TFRC: variants seen among roughly 807,000 people sequenced by gnomAD.
The protein encoded by TFRC is transferrin receptor protein 1.
In TFRC, 35 loss-of-function variants were observed where a neutral mutation model predicts 85.8. The ratio of observed to expected loss-of-function variants is 0.41; its 90% CI spans 0.31 to 0.54. The LOEUF is 0.54. Among genes scored for constraint, TFRC ranks in the 20% least tolerant of loss-of-function variants. The pLI, the probability that TFRC is intolerant of heterozygous loss-of-function variation, is 0.31. For missense variants in TFRC, 828 were observed against 921.5 expected, an observed-to-expected ratio of 0.90 and a Z score of 1.31; for synonymous variants, 362 against 328.6, an observed-to-expected ratio of 1.10 and a Z score of -1.10.
intron 10 of TFRC, 70 bp downstream of exon 10, chr3:196,065,373 G>T: frequency 3.2e-6 from 3 of 944,538 alleles, no homozygotes; most frequent in South Asian, 1.8e-5. Context: ...TCCTTCTCTA[G>T]CCACATCCTT....
In TFRC at chr3:196,062,926, G is replaced by A. The variant is rs555459517; in HGVS notation, c.1332C>T (p.Pro444=). 7.4e-6 allele frequency: 12 copies of A among 1,614,032 alleles called. No individual in the cohort carries two copies. The East Asian group carries it at 1.1e-4, about 15-fold the overall frequency. Reference sequence around the variant, plus strand: ...AACTGGCAAAGATAATGCTTCTGCTGGGCTGAAACCCATCTGAAAGAGAAA... The same window carrying A: ...AACTGGCAAAGATAATGCTTCTGCTAGGCTGAAACCCATCTGAAAGAGAAA... ...SDMVLKDGFQ[P]SRSIIFASWS... The change falls in exon 12 of 19, where the codon CCC becomes CCT. Residue 444 remains proline, a synonymous_variant. Transcript: ENST00000360110.
chr3:196,078,598 A>C (rs1267284755), intron 1 of TFRC, among the ~76,000 whole-genome samples: 1 of 151,890 alleles, frequency 6.6e-6, no homozygotes, highest in East Asian at 2.0e-4. Context: ...TGGAGGTTGC[A>C]GTGAGCCGAG....
intron 6 of TFRC, 161 bp from the exon 7 acceptor site, chr3:196,069,729 C>A: frequency 1.9e-6 from 1 of 530,608 alleles, no homozygotes; most frequent in East Asian, 3.1e-5. Flanking sequence ...AAAAACTTTA[C>A]AACTTTTAGG....
intron 14 of TFRC, 94 bp downstream of exon 14, chr3:196,060,086 G>A (rs1187883721): frequency 4.3e-6 from 4 of 938,526 alleles, no homozygotes; most frequent in Non-Finnish European, 6.4e-6. Flanking sequence ...CCTATTTTTT[G>A]TTACTGACTA....
chr3:196,061,315 C>T (rs1341550527), intron 13 of TFRC, among the ~76,000 whole-genome samples: 1 of 152,194 alleles, frequency 6.6e-6, no homozygotes, highest in African/African-American at 2.4e-5. Context: ...TTAGTTTCTT[C>T]TCACCTCAAT....
In TFRC at chr3:196,058,277, G is replaced by C. The variant is rs200614662; in HGVS notation, c.1677+7C>G. On this transcript the variant is annotated splice_region_variant and intron_variant, in intron 16 of 18. Coordinates refer to ENST00000360110, the MANE Select transcript of TFRC (RefSeq NM_001128148.3). ...TCTCCATTTGTCATTTAAATGAACAGACTTACCTCGCAAAAACAGAAAGAA... is the reference window on the plus strand; with the variant it reads ...TCTCCATTTGTCATTTAAATGAACACACTTACCTCGCAAAAACAGAAAGAA... 9.9e-6 allele frequency: 16 copies of C among 1,612,270 alleles called. No individual in the cohort carries two copies. The highest frequency in any genetic ancestry group is 1.3e-5 in the Non-Finnish European group (15 of 1,178,656).
At position 196,056,632 on chromosome 3, in the gene TFRC, C is replaced by T. The variant is rs142498169; in HGVS notation, c.1678-1331G>A. Among the ~76,000 whole-genome samples, 1,375 of 152,182 alleles carry T rather than the reference C, an allele frequency of 9.0e-3. 25 individuals are homozygous for T. The highest frequency in any genetic ancestry group is 0.032 in the African/African-American group (1,319 of 41,500). On this transcript the variant is annotated intron_variant, in intron 16 of 18. Coordinates refer to ENST00000360110, the MANE Select transcript of TFRC (RefSeq NM_001128148.3). Reference sequence around the variant, plus strand: ...GGCCAGGCTGGTCTTGAACTCCTGACCTCAAGTGATCTACCCGCCTTGGCC... The same window carrying T: ...GGCCAGGCTGGTCTTGAACTCCTGATCTCAAGTGATCTACCCGCCTTGGCC...
In TFRC at chr3:196,059,848, T is replaced by C. The variant is rs554825361; in HGVS notation, c.1536+332A>G. On this transcript the variant is annotated intron_variant, in intron 14 of 18. Coordinates refer to ENST00000360110, the MANE Select transcript of TFRC (RefSeq NM_001128148.3). ...TGGTAATTGTTTATTCAATGAATATTTCCTCCGGCCTTCTCAAAGTATAGT... is the reference window on the plus strand; with the variant it reads ...TGGTAATTGTTTATTCAATGAATATCTCCTCCGGCCTTCTCAAAGTATAGT... Among the ~76,000 whole-genome samples the C allele has an allele frequency of 3.3e-5, 5 of 149,686 alleles. No individual in the cohort carries two copies. The East Asian group carries it at 1.0e-3, about 30-fold the overall frequency.
At position 196,076,905 on chromosome 3, in the gene TFRC, A is replaced by T. The variant is rs17091580; in HGVS notation, c.36+159T>A. On this transcript the variant is annotated intron_variant, in intron 2 of 18. Coordinates refer to ENST00000360110, the MANE Select transcript of TFRC (RefSeq NM_001128148.3). ...CATAATTAACCCTACTGAAGGCTGAACTCTTTGTGAGATCAGTTATGCCTC... is the reference window on the plus strand; with the variant it reads ...CATAATTAACCCTACTGAAGGCTGATCTCTTTGTGAGATCAGTTATGCCTC... 1.8e-3 allele frequency among the ~76,000 whole-genome samples: 271 copies of T among 152,264 alleles called. 6 individuals are homozygous for T. In the East Asian group the frequency reaches 0.047, roughly 26 times the overall value.
At position 196,051,344 on chromosome 3, in the gene TFRC, T is replaced by C. The variant is rs762167066; in HGVS notation, c.*598A>G. The C allele has an allele frequency of 1.9e-5, 4 of 212,182 alleles. No individual in the cohort carries two copies. Among genetic ancestry groups the C allele is most frequent in the Non-Finnish European group, 3.8e-5 (4 of 104,680 alleles). The allele number at this position is 212,182 out of a possible 1,614,324, so 13.1% of individuals were successfully genotyped here. Reference sequence around the variant, plus strand: ...CTGAGGTTAACATATTAAGGCCTTATTCCTGCAATCAACAGTTGAACCTCA... The same window carrying C: ...CTGAGGTTAACATATTAAGGCCTTACTCCTGCAATCAACAGTTGAACCTCA... On this transcript the variant is annotated 3_prime_UTR_variant, in exon 19 of 19. Transcript: ENST00000360110.
intron 7 of TFRC, among the ~76,000 whole-genome samples, chr3:196,068,663 C>G (rs1236887233): frequency 6.9e-6 from 1 of 145,780 alleles, no homozygotes; most frequent in Non-Finnish European, 1.5e-5. Flanking sequence ...AGTGGTGGCT[C>G]ACACCTGTAA....
At position 196,075,379 on chromosome 3, in the gene TFRC, C is replaced by A; in HGVS notation, c.37-19G>T. On this transcript the variant is annotated intron_variant, in intron 2 of 18. Transcript: ENST00000360110. The stretch of plus-strand genomic sequence containing the variant: ...CACCAAACTGTGTTGCGGAAAAAGG[C>A]ATGATGAAGAACAGGCACGGGAATG... 1 of 1,613,414 alleles carries A rather than the reference C, an allele frequency of 6.2e-7. No individual in the cohort carries two copies. Among genetic ancestry groups the A allele is most frequent in the Non-Finnish European group, 8.5e-7 (1 of 1,179,422 alleles).
chr3:196,069,214 G>A (rs1003075072), intron 7 of TFRC, among the ~76,000 whole-genome samples: 2 of 152,124 alleles, frequency 1.3e-5, no homozygotes, highest in African/African-American at 4.8e-5. Flanking sequence ...CATGCTTTTA[G>A]CTGAATTCTG....
rs1327157136 is a variant in TFRC, at chr3:196,071,406, G to C, written c.677C>G (p.Ala226Gly). 1 of 1,613,676 alleles carries C rather than the reference G, an allele frequency of 6.2e-7. No homozygotes were observed. The highest frequency in any genetic ancestry group is 1.1e-5 in the South Asian group (1 of 91,072). The change falls in exon 6 of 19, where the codon GCA (alanine) becomes GGA (glycine). Residue 226 changes from alanine (A) to glycine (G), a missense_variant. By Grantham distance (60) the Ala-to-Gly change is moderately conservative (BLOSUM62 0). Coordinates refer to ENST00000360110, the MANE Select transcript of TFRC (RefSeq NM_001128148.3). ...PGGYVAYSKA[A>G]TVTGKLVHAN... ...TTTTGCTTTACTTACAGTAACTGTT[G>C]CAGCCTTACTATACGCCACATAACC...
intron 1 of TFRC, among the ~76,000 whole-genome samples, chr3:196,079,907 C>T (rs186375262): frequency 6.6e-6 from 1 of 152,336 alleles, no homozygotes; most frequent in East Asian, 1.9e-4. Context: ...GGCTTCATCT[C>T]TATGAAGCCT....
intron 1 of TFRC, among the ~76,000 whole-genome samples, chr3:196,077,469 C>T (rs1384752531): frequency 6.6e-6 from 1 of 150,466 alleles, no homozygotes; most frequent in East Asian, 2.1e-4. Flanking sequence ...GTGACACATA[C>T]TGCTGGGCGG....
At chr3:196,067,013 T>C (rs1053288680) in intron 9 of TFRC, among the ~76,000 whole-genome samples, 1 of 152,198 alleles carries the variant, frequency 6.6e-6, no homozygotes, top group Non-Finnish European at 1.5e-5. Context: ...ACAGGGAGGA[T>C]ATCCAGAGGA....
intron 16 of TFRC, among the ~76,000 whole-genome samples, chr3:196,056,961 A>G (rs1187036707): frequency 6.6e-6 from 1 of 152,156 alleles, no homozygotes; most frequent in Non-Finnish European, 1.5e-5. Context: ...AGCTGGGGTT[A>G]CAGGCACACG....
Position 196,065,423 on chromosome 3 carries a change from G to GGT in TFRC, c.1198+19_1198+20insAC. 8.6e-6 allele frequency: 6 copies of GGT among 700,200 alleles called. No homozygotes were observed. Among genetic ancestry groups the GGT allele is most frequent in the Non-Finnish European group, 1.2e-5 (6 of 519,878 alleles). The allele number at this position is 700,200 out of a possible 1,614,324, so 43.4% of individuals were successfully genotyped here. ...AAACAAAAAAAAAGCGGGGCGGGGG[G>GGT]GGGGGGGGGCGGTCTTTACCTGGTT... On this transcript the variant is annotated intron_variant, in intron 10 of 18. Coordinates refer to ENST00000360110, the MANE Select transcript of TFRC (RefSeq NM_001128148.3).
Sources: gnomAD v4.1 joint callset for allele counts (sites outside exome capture counted in the v4.1 genomes callset) on GRCh38, gnomAD v4.1.1 for gene constraint, MANE v1.5 for transcripts, NCBI Gene and HGNC (gene_info 2026-07-23, HGNC 2026-07-21) for gene names.